Variants in CACNA1C observed in about 807,000 individuals in gnomAD.
CACNA1C encodes calcium voltage-gated channel subunit alpha1 C, also known as voltage-dependent L-type calcium channel subunit alpha-1C.
Under a neutral mutation model 229.0 loss-of-function variants are expected in CACNA1C, and 30 were observed. The ratio of observed to expected loss-of-function variants is 0.13; its 90% CI spans 0.10 to 0.18. CACNA1C has a LOEUF of 0.18. CACNA1C is among the 10% of genes least tolerant of loss of function. The pLI is 1.00. For synonymous variants in CACNA1C, 1,114 were observed against 1,132.5 expected (o/e 0.98, Z 0.33); for missense variants, 1,658 against 2,845.0 (o/e 0.58, Z 9.49).
chr12:2,045,855 ATTAAC>A (rs2050957314), intron 1 of CACNA1C, among the ~76,000 whole-genome samples: 1 of 151,986 alleles, frequency 6.6e-6, no homozygotes, highest in South Asian at 2.1e-4. Context: ...TGCAGATGTA[ATTAAC>A]TTAAGAATTT....
chr12:2,412,307 T>C (rs1164064690), intron 3 of CACNA1C, among the ~76,000 whole-genome samples: 2 of 152,232 alleles, frequency 1.3e-5, no homozygotes, highest in Non-Finnish European at 2.9e-5. Context: ...ACCTCAGACC[T>C]GGCTTCTTAG....
intron 3 of CACNA1C, among the ~76,000 whole-genome samples, chr12:2,377,269 T>A (rs1446106871): frequency 6.6e-6 from 1 of 152,184 alleles, no homozygotes; most frequent in Admixed American, 6.5e-5. Flanking sequence ...GCCCCCGTTC[T>A]GTTTGTGAGC....
intron 3 of CACNA1C, among the ~76,000 whole-genome samples, chr12:2,202,791 C>G (rs887177319): frequency 5.3e-5 from 8 of 152,112 alleles, no homozygotes; most frequent in Non-Finnish European, 1.0e-4. Context: ...GTCCTCTTCC[C>G]CATGAGCGGA....
intron 11 of CACNA1C, among the ~76,000 whole-genome samples, chr12:2,558,425 T>C (rs1341156229): frequency 6.6e-6 from 1 of 152,236 alleles, no homozygotes; most frequent in Non-Finnish European, 1.5e-5. Context: ...ACCTCTGCTC[T>C]CTGACCCTTG....
At chr12:2,047,816 G>C (rs1399612110) in intron 1 of CACNA1C, among the ~76,000 whole-genome samples, 2 of 152,220 alleles carry the variant, frequency 1.3e-5, no homozygotes, top group Non-Finnish European at 2.9e-5. Flanking sequence ...GAAGGCTGCT[G>C]CCTCTGCATC....
chr12:2,097,392 C>T (rs545132105), intron 1 of CACNA1C, among the ~76,000 whole-genome samples: 12 of 152,160 alleles, frequency 7.9e-5, no homozygotes, highest in African/African-American at 1.2e-4. Flanking sequence ...GTGATCCGCC[C>T]GCCTCGACCT....
At chr12:2,438,756 C>T (rs2099184090) in intron 3 of CACNA1C, among the ~76,000 whole-genome samples, 1 of 151,994 alleles carries the variant, frequency 6.6e-6, no homozygotes, top group African/African-American at 2.4e-5. Flanking sequence ...TGTCAATGAG[C>T]CTGGTTAGGA....
rs2099766432 is a variant in CACNA1C at position 2,504,076 on chromosome 12, T to C, written c.1114-766T>C. ...CCTCCGGGTGCAACAGAAGGCTTAA[T>C]GTCCAGGCAAACCCAAGTGAGTTAA... On this transcript the variant is annotated intron_variant, in intron 7 of 46. Transcript: ENST00000399655. This position sits in a 1 kb window ranked among gnomAD's most constrained non-coding sequence, Gnocchi z 6.8. Among the ~76,000 whole-genome samples the C allele has an allele frequency of 6.6e-6, 1 of 152,230 alleles. No individual in the cohort carries two copies. Among genetic ancestry groups the C allele is most frequent in the African/African-American group, 2.4e-5 (1 of 41,466 alleles).
rs536612175 is a variant in CACNA1C, at chr12:2,034,278, G to A, written c.139+63077G>A. Among the ~76,000 whole-genome samples the A allele has an allele frequency of 2.0e-5, 3 of 152,320 alleles. No individual in the cohort carries two copies. Among genetic ancestry groups the A allele is most frequent in the South Asian group, 4.1e-4 (2 of 4,826 alleles). On this transcript the variant is annotated intron_variant, in intron 1 of 46. Transcript: ENST00000682462. This position sits in a 1 kb window ranked among gnomAD's most constrained non-coding sequence, Gnocchi z 4.1. ...TCCAAGTCCTTTTAGATCCAAGGCCGTGTTCCTTTTTGTAAGCCTCCCTGG... is the reference window on the plus strand; with the variant it reads ...TCCAAGTCCTTTTAGATCCAAGGCCATGTTCCTTTTTGTAAGCCTCCCTGG...
intron 3 of CACNA1C, among the ~76,000 whole-genome samples, chr12:2,336,613 G>A (rs1483892496): frequency 3.3e-5 from 5 of 152,310 alleles, no homozygotes; most frequent in South Asian, 4.1e-4. Context: ...GAAAACAACC[G>A]TTTAAATAGG....
At position 2,512,717 on chromosome 12, in the gene CACNA1C, T is replaced by A; in HGVS notation, c.1218-95T>A. ...GCAAAGCAATTAAGACTCTTGTTTC[T>A]CCTTATCTCCATCTCTCCTTCCATC... On this transcript the variant is annotated intron_variant, in intron 8 of 46. Transcript: ENST00000399655. This position sits in a 1 kb window ranked among gnomAD's most constrained non-coding sequence, Gnocchi z 4.3. The A allele has an allele frequency of 1.1e-6, 1 of 941,818 alleles. No individual in the cohort carries two copies. The highest frequency in any genetic ancestry group is 1.6e-6 in the Non-Finnish European group (1 of 643,744). 58.3% of individuals were successfully genotyped at this position (941,818 alleles called of 1,614,324 possible). A position where few individuals can be genotyped will look rare whatever the true frequency, so the allele number is the denominator to read the frequency against.
intron 3 of CACNA1C, among the ~76,000 whole-genome samples, chr12:2,256,441 C>G (rs117690309): frequency 0.01 from 1,582 of 152,290 alleles, 13 homozygotes; most frequent in Non-Finnish European, 0.015. Context: ...AAAACAACTG[C>G]TTAAATCAAA....
At position 2,166,065 on chromosome 12, in the gene CACNA1C, A is replaced by G. The variant is rs113617224; in HGVS notation, c.477+45635A>G. On this transcript the variant is annotated intron_variant, in intron 3 of 46. Coordinates refer to ENST00000399655, the MANE Select transcript of CACNA1C (RefSeq NM_000719.7). ...GTGAAACTTCAAAGACTTGTCTTTT[A>G]TCCATTAATCCCATTAGTGCTCCAG... Among the ~76,000 whole-genome samples the G allele has an allele frequency of 1.0e-3, 155 of 152,352 alleles. 1 individual carries two copies. The highest frequency in any genetic ancestry group is 3.6e-3 in the African/African-American group (148 of 41,576).
chr12:2,076,555 T>G (rs1018566123), intron 1 of CACNA1C, among the ~76,000 whole-genome samples: 1 of 151,842 alleles, frequency 6.6e-6, no homozygotes, highest in Non-Finnish European at 1.5e-5. Flanking sequence ...TTTCTTCCTT[T>G]GTTAAGCAAA....
Position 2,524,510 on chromosome 12 carries a change from G to A in CACNA1C, c.1390+11526G>A, listed in dbSNP as rs192653222. On this transcript the variant is annotated intron_variant, in intron 9 of 46. Coordinates refer to ENST00000399655, the MANE Select transcript of CACNA1C (RefSeq NM_000719.7). ...TGTCAGTCAGGGTTGGTGGACCATT[G>A]TAATAAGCAGCCCCCAAATGAAATC... is the stretch of plus-strand genomic sequence containing the variant. Among the ~76,000 whole-genome samples, 279 of 152,338 alleles carry A rather than the reference G, an allele frequency of 1.8e-3. 3 individuals are homozygous for A. Among genetic ancestry groups the A allele is most frequent in the African/African-American group, 6.5e-3 (272 of 41,578 alleles).
At position 2,694,560 on chromosome 12, in the gene CACNA1C, C is replaced by T. The variant is rs2097822879; in HGVS notation, c.*3361C>T. ...TCCTTCTTCTTAATCCAATAGGCCT[C>T]ACTCTCACTGGGAAATCCACTCAAA... On this transcript the variant is annotated 3_prime_UTR_variant, in exon 47 of 47. Coordinates refer to ENST00000399655, the MANE Select transcript of CACNA1C (RefSeq NM_000719.7). The T allele has an allele frequency of 6.6e-6, 1 of 152,220 alleles. No individual in the cohort carries two copies. The highest frequency in any genetic ancestry group is 6.5e-5 in the Admixed American group (1 of 15,280). The allele number at this position is 152,220 out of a possible 1,614,324, so 9.4% of individuals were successfully genotyped here.
intron 3 of CACNA1C, among the ~76,000 whole-genome samples, chr12:2,199,258 A>G (rs1277194926): frequency 3.3e-5 from 5 of 152,110 alleles, no homozygotes; most frequent in Admixed American, 2.0e-4. Flanking sequence ...CTTGAACAGT[A>G]CGGGTTTGAA....
In CACNA1C at chr12:2,689,305, C is replaced by A. The variant is rs2097689323; in HGVS notation, c.6117+526C>A. Among the ~76,000 whole-genome samples, 1 of 152,134 alleles carries A rather than the reference C, an allele frequency of 6.6e-6. No individual in the cohort carries two copies. The highest frequency in any genetic ancestry group is 2.4e-5 in the African/African-American group (1 of 41,426). ...AATCCCGGCACCACATTATTAGGGACCTTTGACACACTGGAACAAACCCAA... is the reference window on the plus strand; with the variant it reads ...AATCCCGGCACCACATTATTAGGGAACTTTGACACACTGGAACAAACCCAA... On this transcript the variant is annotated intron_variant, in intron 46 of 46. Transcript: ENST00000399655. This position sits in a 1 kb window ranked among gnomAD's most constrained non-coding sequence, Gnocchi z 4.2.
intron 3 of CACNA1C, among the ~76,000 whole-genome samples, chr12:2,241,241 T>G (rs1318626487): frequency 6.6e-6 from 1 of 152,078 alleles, no homozygotes; most frequent in Admixed American, 6.6e-5. Context: ...TATTGTCACA[T>G]AGATGATGTC....
Sources: gnomAD v4.1 joint callset for allele counts (sites outside exome capture counted in the v4.1 genomes callset) on GRCh38, gnomAD v4.1.1 for gene constraint, Gnocchi (gnomAD v3.1) non-coding constraint, MANE v1.5 for transcripts, NCBI Gene and HGNC (gene_info 2026-07-23, HGNC 2026-07-21) for gene names.